The following LYPD6 variants were observed in gnomAD, a reference collection of about 807,000 sequenced individuals.
The protein encoded by LYPD6 is ly6/PLAUR domain-containing protein 6.
A neutral mutation model predicts 22.7 loss-of-function variants in LYPD6; 15 were observed. That is an observed-to-expected ratio of 0.66 (90% CI 0.44 to 1.02). The LOEUF (loss-of-function observed/expected upper bound fraction) is 1.02. Among genes scored for constraint, LYPD6 ranks in the 50% least tolerant of loss-of-function variants. The pLI is 0.00. For missense variants in LYPD6, 189 were observed against 208.4 expected, an observed-to-expected ratio of 0.91 and a Z score of 0.57; for synonymous variants, 72 against 77.5, an observed-to-expected ratio of 0.93 and a Z score of 0.37.
At chr2:149,345,644 A>G (rs1292974226) in intron 1 of LYPD6, among the ~76,000 whole-genome samples, 2 of 151,812 alleles carry the variant, frequency 1.3e-5, no homozygotes, top group Non-Finnish European at 1.5e-5. Context: ...ATATTTGTCA[A>G]ATTTTCTGGT....
chr2:149,466,587 T>G (rs1681205161), intron 3 of LYPD6, among the ~76,000 whole-genome samples: 1 of 152,206 alleles, frequency 6.6e-6, no homozygotes, highest in Non-Finnish European at 1.5e-5. Flanking sequence ...CTACTGTCAT[T>G]CAATGGAATA....
intron 1 of LYPD6, among the ~76,000 whole-genome samples, chr2:149,402,544 C>A (rs1028660790): frequency 6.6e-6 from 1 of 151,984 alleles, no homozygotes; most frequent in Non-Finnish European, 1.5e-5. Flanking sequence ...GCATCCATGC[C>A]AACATCTGTT....
intron 1 of LYPD6, among the ~76,000 whole-genome samples, chr2:149,331,014 T>C (rs569189152): frequency 6.6e-6 from 1 of 152,086 alleles, no homozygotes; most frequent in Non-Finnish European, 1.5e-5. Context: ...AGCTGCCAAG[T>C]TCAAGGCTGG....
intron 2 of LYPD6, among the ~76,000 whole-genome samples, chr2:149,446,553 C>T (rs528278776): frequency 2.6e-5 from 4 of 152,232 alleles, no homozygotes; most frequent in Non-Finnish European, 4.4e-5. Context: ...TTCTCTTTGT[C>T]ACAATTATAT....
intron 1 of LYPD6, among the ~76,000 whole-genome samples, chr2:149,330,969 G>A (rs1311372349): frequency 6.6e-6 from 1 of 152,210 alleles, no homozygotes; most frequent in African/African-American, 2.4e-5. Context: ...GTGTGTGTTG[G>A]GCTGGCGCGT....
intron 1 of LYPD6, among the ~76,000 whole-genome samples, chr2:149,358,344 T>G (rs1011435507): frequency 6.6e-6 from 1 of 152,178 alleles, no homozygotes; most frequent in Non-Finnish European, 1.5e-5. Flanking sequence ...AACAAGTCTT[T>G]AATAAAGAGT....
At chr2:149,445,643 CTT>C (rs1485588486) in intron 2 of LYPD6, among the ~76,000 whole-genome samples, 2 of 152,206 alleles carry the variant, frequency 1.3e-5, no homozygotes, top group African/African-American at 4.8e-5. Flanking sequence ...TAGCTGCAGA[CTT>C]TTCTTCTGCA....
intron 3 of LYPD6, chr2:149,464,288 G>T (rs1176274002): frequency 6.1e-6 from 2 of 328,032 alleles, no homozygotes; most frequent in Non-Finnish European, 1.2e-5. Flanking sequence ...AGATTTCACA[G>T]AATTTATCAC....
At chr2:149,382,780 A>ATCAAATTGATAGCCTC (rs1259418082) in intron 1 of LYPD6, among the ~76,000 whole-genome samples, 2 of 42,236 alleles carry the variant, frequency 4.7e-5, no homozygotes, top group African/African-American at 5.2e-4. Flanking sequence ...TTGATAGCCT[A>ATCAAATTGATAGCCTC]TTATAATTCT....
In LYPD6 at chr2:149,437,621, C is replaced by CT. The variant is rs1683461638; in HGVS notation, c.-71-14dup. The CT allele has an allele frequency of 6.3e-7, 1 of 1,578,846 alleles. No homozygotes were observed. The highest frequency in any genetic ancestry group is 8.6e-7 in the Non-Finnish European group (1 of 1,162,238). ...TCTCCAGTCGATCACTGAGATGATT[C>CT]TTTCTTCATTTTTCAGGTGCAAGTT... is the stretch of plus-strand genomic sequence containing the variant. On this transcript the variant is annotated splice_polypyrimidine_tract_variant and intron_variant, in intron 1 of 4. Coordinates refer to ENST00000334166, the MANE Select transcript of LYPD6 (RefSeq NM_194317.5).
intron 1 of LYPD6, among the ~76,000 whole-genome samples, chr2:149,402,776 A>G (rs1682590576): frequency 6.6e-6 from 1 of 151,984 alleles, no homozygotes; most frequent in East Asian, 1.9e-4. Flanking sequence ...CATGTGCACA[A>G]CGTGCAGGTT....
In LYPD6 at chr2:149,333,371, A is replaced by G. The variant is rs1040264792; in HGVS notation, c.-72+2649A>G. ...TTACAATATTTACTTGTGTCATTGC[A>G]TACTATTTATTAATGAGATTAATCT... is the stretch of plus-strand genomic sequence containing the variant. On this transcript the variant is annotated intron_variant, in intron 1 of 4. Transcript: ENST00000334166. Among the ~76,000 whole-genome samples, 6 of 152,340 alleles carry G rather than the reference A, an allele frequency of 3.9e-5. No homozygotes were observed. In the East Asian group the frequency reaches 1.2e-3, roughly 29 times the overall value.
At chr2:149,431,696 AT>A (rs1431557492) in intron 1 of LYPD6, among the ~76,000 whole-genome samples, 2 of 151,914 alleles carry the variant, frequency 1.3e-5, no homozygotes, top group Admixed American at 6.6e-5. Flanking sequence ...CATTGTATGC[AT>A]TTTTTTTAGT....
chr2:149,339,088 A>G (rs956204031), intron 1 of LYPD6, among the ~76,000 whole-genome samples: 3 of 152,160 alleles, frequency 2.0e-5, no homozygotes, highest in Admixed American at 2.0e-4. Context: ...CTGGCTTGGA[A>G]GATAAAGACT....
At chr2:149,368,775 A>G (rs960779975) in intron 1 of LYPD6, among the ~76,000 whole-genome samples, 1 of 152,002 alleles carries the variant, frequency 6.6e-6, no homozygotes, top group African/African-American at 2.4e-5. Context: ...GGAAGAGGAG[A>G]TAATGAATTT....
chr2:149,339,670 T>C (rs1197200591), intron 1 of LYPD6, among the ~76,000 whole-genome samples: 1 of 152,162 alleles, frequency 6.6e-6, no homozygotes, highest in African/African-American at 2.4e-5. Flanking sequence ...AGAATACATC[T>C]GTTGATATCT....
intron 3 of LYPD6, among the ~76,000 whole-genome samples, chr2:149,459,619 C>T (rs564528531): frequency 6.6e-5 from 10 of 152,082 alleles, no homozygotes; most frequent in East Asian, 1.9e-4. Flanking sequence ...AATTATATTA[C>T]GGCCAGGCAC....
rs1033467213 is a variant in LYPD6, at chr2:149,454,582, T to G, written c.217+5435T>G. ...GTATGTCTTGTGGTACGTGTTCATATGCGTTTCTGCTAGGTCTTTCTCAGA... is the reference window on the plus strand; with the variant it reads ...GTATGTCTTGTGGTACGTGTTCATAGGCGTTTCTGCTAGGTCTTTCTCAGA... On this transcript the variant is annotated intron_variant, in intron 3 of 4. Transcript: ENST00000334166. 7.2e-5 allele frequency among the ~76,000 whole-genome samples: 11 copies of G among 152,300 alleles called. No individual in the cohort carries two copies. In the East Asian group the frequency reaches 2.1e-3, roughly 29 times the overall value.
At position 149,468,777 on chromosome 2, in the gene LYPD6, T is replaced by C. The variant is rs746548217; in HGVS notation, c.348+2T>C. ...GACTCCGAGCATGAAGGCCACAAGG[T>C]CTGGGCAACAGAGCAAGTGACCAGT... On this transcript the variant is annotated splice_donor_variant, in intron 4 of 4. Transcript: ENST00000334166. LOFTEE classifies it high-confidence loss of function. 3.1e-6 allele frequency: 5 copies of C among 1,613,102 alleles called. No individual in the cohort carries two copies. Among genetic ancestry groups the C allele is most frequent in the African/African-American group, 1.3e-5 (1 of 74,844 alleles).
Sources: gnomAD v4.1 joint callset for allele counts (sites outside exome capture counted in the v4.1 genomes callset) on GRCh38, gnomAD v4.1.1 for gene constraint, MANE v1.5 for transcripts, NCBI Gene and HGNC (gene_info 2026-07-23, HGNC 2026-07-21) for gene names.